Variants in IPMK observed in about 807,000 individuals in gnomAD.
The protein encoded by IPMK is inositol 1,3,4,6-tetrakisphosphate 5-kinase.
In IPMK, 17 loss-of-function variants were observed where a neutral mutation model predicts 45.8. The observed-to-expected ratio is 0.37, with a 90% CI of 0.25 to 0.56. IPMK has a LOEUF of 0.56. Among genes scored for constraint, IPMK ranks in the 20% least tolerant of loss-of-function variants. The probability of loss-of-function intolerance (pLI) is 0.79; values close to 1 mark genes in which losing one functional copy is unlikely to be tolerated. For missense variants in IPMK, 399 were observed against 498.0 expected (o/e 0.80, Z 1.89); for synonymous variants, 180 against 184.3 (o/e 0.98, Z 0.19).
At chr10:58,215,903 C>T (rs1838237439) in intron 4 of IPMK, among the ~76,000 whole-genome samples, 1 of 151,894 alleles carries the variant, frequency 6.6e-6, no homozygotes, top group African/African-American at 2.4e-5. Context: ...TTCAGCCATC[C>T]ATCCATTTAT....
intron 3 of IPMK, among the ~76,000 whole-genome samples, chr10:58,217,323 A>T (rs2132153435): frequency 6.6e-6 from 1 of 152,124 alleles, no homozygotes; most frequent in South Asian, 2.1e-4. Flanking sequence ...TTTTAGTTTT[A>T]GTTTGAAAGC....
At chr10:58,211,901 C>CAAAAAAAAAAAAAAAAAAAAAA (rs753050298) in intron 4 of IPMK, among the ~76,000 whole-genome samples, 18 of 50,368 alleles carry the variant, frequency 3.6e-4, no homozygotes, top group South Asian at 8.8e-4. Context: ...GACATCTCAC[C>CAAAAAAAAAAAAAAAAAAAAAA]AAAAAAAAAA....
intron 5 of IPMK, among the ~76,000 whole-genome samples, chr10:58,197,670 GAAAA>G (rs10617632): frequency 0.38 from 49,662 of 129,852 alleles, 10,460 homozygotes; most frequent in African/African-American, 0.63. Context: ...GAAAAGAAAA[GAAAA>G]AAAAAAAAAA....
At chr10:58,208,999 A>G (rs1838116664) in intron 4 of IPMK, among the ~76,000 whole-genome samples, 1 of 152,132 alleles carries the variant, frequency 6.6e-6, no homozygotes, top group Non-Finnish European at 1.5e-5. Context: ...AAAACTATTT[A>G]CCTCACAGCC....
At chr10:58,227,383 T>A (rs1441808864) in intron 2 of IPMK, among the ~76,000 whole-genome samples, 6 of 152,214 alleles carry the variant, frequency 3.9e-5, no homozygotes, top group Non-Finnish European at 2.9e-5. Flanking sequence ...ACTTTGTAAG[T>A]TATAGATACT....
At chr10:58,204,452 T>C (rs1188280451) in intron 4 of IPMK, among the ~76,000 whole-genome samples, 1 of 152,040 alleles carries the variant, frequency 6.6e-6, no homozygotes, top group East Asian at 1.9e-4. Flanking sequence ...CTAAAATTCA[T>C]GTGGAAACTA....
At chr10:58,262,763 G>C (rs1839094046) in intron 1 of IPMK, among the ~76,000 whole-genome samples, 1 of 152,208 alleles carries the variant, frequency 6.6e-6, no homozygotes, top group African/African-American at 2.4e-5. Flanking sequence ...ACATTGAGAT[G>C]TGATTAAAGT....
rs1588948234 is a variant in IPMK, at chr10:58,194,085, T to C, written c.*1991A>G. The C allele has an allele frequency of 1.3e-5, 2 of 151,914 alleles. No homozygotes were observed. Among genetic ancestry groups the C allele is most frequent in the Admixed American group, 6.5e-5 (1 of 15,274 alleles). 9.4% of individuals were successfully genotyped at this position (151,914 alleles called of 1,614,324 possible). Reference sequence around the variant, plus strand: ...ACAAAATTGTATTTCCAAATGCAGATAAAAAAATCTTGAACATTAAGATTT... The same window carrying C: ...ACAAAATTGTATTTCCAAATGCAGACAAAAAAATCTTGAACATTAAGATTT... On this transcript the variant is annotated 3_prime_UTR_variant, in exon 6 of 6. Coordinates refer to ENST00000373935, the MANE Select transcript of IPMK (RefSeq NM_152230.5).
At chr10:58,221,506 T>G (rs2132155976) in intron 3 of IPMK, among the ~76,000 whole-genome samples, 1 of 152,228 alleles carries the variant, frequency 6.6e-6, no homozygotes, top group Middle Eastern at 3.4e-3. Flanking sequence ...AATAAGAAAT[T>G]TGTTCTAAGA....
At chr10:58,251,926 T>C (rs907906169) in intron 1 of IPMK, among the ~76,000 whole-genome samples, 1 of 152,222 alleles carries the variant, frequency 6.6e-6, no homozygotes, top group Non-Finnish European at 1.5e-5. Context: ...TGTTTTATTA[T>C]CCAGTCAGCA....
chr10:58,206,232 T>A (rs2132146346), intron 4 of IPMK, among the ~76,000 whole-genome samples: 1 of 152,302 alleles, frequency 6.6e-6, no homozygotes, highest in East Asian at 1.9e-4. Flanking sequence ...TTGATTTATA[T>A]GAATCGTCCA....
intron 2 of IPMK, among the ~76,000 whole-genome samples, chr10:58,230,041 G>A (rs1245168297): frequency 6.6e-6 from 1 of 152,202 alleles, no homozygotes; most frequent in Non-Finnish European, 1.5e-5. Flanking sequence ...CATGCCCACG[G>A]AGCCTTGCTC....
intron 1 of IPMK, among the ~76,000 whole-genome samples, chr10:58,266,716 T>C (rs909696656): frequency 6.6e-6 from 1 of 152,128 alleles, no homozygotes; most frequent in Non-Finnish European, 1.5e-5. Context: ...ACTCAGAAAA[T>C]GTATTACAGT....
At chr10:58,262,461 T>A (rs1839086926) in intron 1 of IPMK, among the ~76,000 whole-genome samples, 1 of 152,198 alleles carries the variant, frequency 6.6e-6, no homozygotes, top group Admixed American at 6.5e-5. Flanking sequence ...AATATGAAAT[T>A]ATAATTTCTA....
At chr10:58,217,178 T>A (rs974130065) in intron 3 of IPMK, among the ~76,000 whole-genome samples, 6 of 149,662 alleles carry the variant, frequency 4.0e-5, no homozygotes, top group Non-Finnish European at 8.9e-5. Flanking sequence ...TTTTTTTTTT[T>A]AGAACACAGG....
intron 1 of IPMK, among the ~76,000 whole-genome samples, chr10:58,247,023 A>G (rs948465960): frequency 6.6e-6 from 1 of 151,258 alleles, no homozygotes; most frequent in East Asian, 1.9e-4. Context: ...TCAAAAGAAG[A>G]CATTTATGCA....
intron 4 of IPMK, among the ~76,000 whole-genome samples, chr10:58,204,411 C>T (rs939289538): frequency 1.3e-5 from 2 of 152,038 alleles, no homozygotes; most frequent in African/African-American, 2.4e-5. Flanking sequence ...GCTCATTTTG[C>T]GACTTCTTTG....
chr10:58,233,149 T>G (rs1838551597), intron 2 of IPMK, among the ~76,000 whole-genome samples: 1 of 152,084 alleles, frequency 6.6e-6, no homozygotes, highest in Admixed American at 6.5e-5. Context: ...AATAGACCAA[T>G]AACAGGCTCT....
intron 4 of IPMK, chr10:58,212,861 C>A: frequency 4.3e-6 from 1 of 232,640 alleles, no homozygotes; most frequent in Non-Finnish European, 9.5e-6. Context: ...CCTTTGCCCT[C>A]GGGACCTTCA....
Sources: gnomAD v4.1 joint callset for allele counts (sites outside exome capture counted in the v4.1 genomes callset) on GRCh38, gnomAD v4.1.1 for gene constraint, MANE v1.5 for transcripts, NCBI Gene and HGNC (gene_info 2026-07-23, HGNC 2026-07-21) for gene names.